The following CDH12 variants were observed in gnomAD, a reference collection of about 807,000 sequenced individuals.
CDH12 encodes cadherin-12.
Under a neutral mutation model 74.1 loss-of-function variants are expected in CDH12, and 41 were observed. That is an observed-to-expected ratio of 0.55 (90% CI 0.43 to 0.72). The LOEUF (loss-of-function observed/expected upper bound fraction) is 0.72. Ranked by LOEUF, CDH12 falls within the 30% of genes least tolerant of loss-of-function variation. The pLI is 0.00. For missense variants in CDH12, 945 were observed against 977.2 expected (o/e 0.97, Z 0.44); for synonymous variants, 399 against 355.0 (o/e 1.12, Z -1.39).
chr5:22,028,322 T>G (rs1343384841), intron 5 of CDH12, among the ~76,000 whole-genome samples: 2 of 152,132 alleles, frequency 1.3e-5, no homozygotes, highest in Admixed American at 6.6e-5. Flanking sequence ...AGTCAAATTG[T>G]CCCTGTTTGC....
At chr5:22,342,765 CCTTCCTCA>C (rs1446881398) in intron 3 of CDH12, among the ~76,000 whole-genome samples, 39 of 145,584 alleles carry the variant, frequency 2.7e-4, no homozygotes, top group East Asian at 1.4e-3. Flanking sequence ...TCCCTTCCTC[CCTTCCTCA>C]CTTCCTTCCT....
chr5:21,998,307 TA>T (rs1736411974), intron 5 of CDH12, among the ~76,000 whole-genome samples: 1 of 152,134 alleles, frequency 6.6e-6, no homozygotes, highest in African/African-American at 2.4e-5. Flanking sequence ...GAATCTTTTT[TA>T]AACTAAATCT....
At chr5:22,545,586 T>C (rs575928609) in intron 1 of CDH12, among the ~76,000 whole-genome samples, 28 of 152,318 alleles carry the variant, frequency 1.8e-4, no homozygotes, top group Non-Finnish European at 1.0e-4. Context: ...TCTCAAACCA[T>C]ATATTTTAGA....
At chr5:22,180,962 T>C (rs1057358671) in intron 4 of CDH12, among the ~76,000 whole-genome samples, 7 of 152,130 alleles carry the variant, frequency 4.6e-5, no homozygotes, top group Non-Finnish European at 8.8e-5. Flanking sequence ...ACATTATCTC[T>C]TTGATGTATT....
intron 1 of CDH12, among the ~76,000 whole-genome samples, chr5:22,737,546 T>C (rs1165545642): frequency 6.6e-6 from 1 of 151,846 alleles, no homozygotes; most frequent in African/African-American, 2.4e-5. Flanking sequence ...AAGACTTAGC[T>C]GAAAGAAATA....
intron 6 of CDH12, among the ~76,000 whole-genome samples, chr5:21,857,354 G>T (rs1750808686): frequency 6.6e-6 from 1 of 151,694 alleles, no homozygotes; most frequent in Admixed American, 6.6e-5. Context: ...CACTCTAAAT[G>T]GTTATATCTG....
At chr5:21,919,522 ATTC>A (rs1479226326) in intron 6 of CDH12, among the ~76,000 whole-genome samples, 1 of 151,880 alleles carries the variant, frequency 6.6e-6, no homozygotes, top group Non-Finnish European at 1.5e-5. Flanking sequence ...TTTCATGCAA[ATTC>A]TTCTTCCTTT....
At position 22,414,334 on chromosome 5, in the gene CDH12, G is replaced by A. The variant is rs575196891; in HGVS notation, c.-427-8983C>T. Among the ~76,000 whole-genome samples, 3 of 152,036 alleles carry A rather than the reference G, an allele frequency of 2.0e-5. No homozygotes were observed. In the South Asian group the frequency reaches 6.2e-4, roughly 32 times the overall value. On this transcript the variant is annotated intron_variant, in intron 2 of 14. Transcript: ENST00000382254. ...AACCTCTATCAATTACTGTTTTAAT[G>A]ATAGGAGGACTTCCCTTATTCAAAC...
chr5:22,283,818 T>C (rs1264399952), intron 3 of CDH12, among the ~76,000 whole-genome samples: 2 of 152,116 alleles, frequency 1.3e-5, no homozygotes, highest in Non-Finnish European at 2.9e-5. Context: ...ATATCTTAAT[T>C]AGCTTGATTT....
intron 1 of CDH12, among the ~76,000 whole-genome samples, chr5:22,818,537 T>C (rs1749505868): frequency 6.6e-6 from 1 of 152,142 alleles, no homozygotes; most frequent in South Asian, 2.1e-4. Context: ...TTCTTCAAGA[T>C]GGTGGCATGA....
intron 3 of CDH12, among the ~76,000 whole-genome samples, chr5:22,222,450 T>C (rs549078714): frequency 6.2e-4 from 94 of 152,114 alleles, no homozygotes; most frequent in Admixed American, 6.0e-3. Context: ...TATGTTGCCA[T>C]ATTTTATAAT....
intron 1 of CDH12, among the ~76,000 whole-genome samples, chr5:22,621,170 C>T (rs1412740039): frequency 6.6e-6 from 1 of 152,150 alleles, no homozygotes; most frequent in African/African-American, 2.4e-5. Context: ...TAGCATCTAC[C>T]AATCTCTCCG....
At chr5:21,800,605 C>T (rs991310723) in intron 10 of CDH12, among the ~76,000 whole-genome samples, 4 of 152,138 alleles carry the variant, frequency 2.6e-5, no homozygotes, top group African/African-American at 9.7e-5. Flanking sequence ...ATCTGCTGGT[C>T]GCTTGATCTT....
intron 3 of CDH12, among the ~76,000 whole-genome samples, chr5:22,314,931 C>CTTTTTT (rs1738549393): frequency 7.6e-6 from 1 of 132,132 alleles, no homozygotes; most frequent in Non-Finnish European, 1.6e-5. Context: ...GCAGAGGTCC[C>CTTTTTT]TGGGTTGGTC....
intron 11 of CDH12, among the ~76,000 whole-genome samples, chr5:21,772,513 A>T (rs1350221187): frequency 6.6e-6 from 1 of 152,012 alleles, no homozygotes; most frequent in Non-Finnish European, 1.5e-5. Context: ...CTTACTATTG[A>T]TCCACCGACC....
intron 3 of CDH12, among the ~76,000 whole-genome samples, chr5:22,214,574 G>T (rs1434864546): frequency 1.3e-5 from 2 of 152,144 alleles, no homozygotes; most frequent in Non-Finnish European, 2.9e-5. Context: ...ATGTGTAGTT[G>T]GTCATGCAAT....
intron 6 of CDH12, among the ~76,000 whole-genome samples, chr5:21,858,019 C>G (rs186386112): frequency 2.7e-3 from 378 of 138,050 alleles, no homozygotes; most frequent in Non-Finnish European, 4.0e-3. Context: ...TCTGTTGTAT[C>G]TCCCTTTTTT....
At chr5:22,821,893 T>C (rs62342497) in intron 1 of CDH12, among the ~76,000 whole-genome samples, 2 of 151,514 alleles carry the variant, frequency 1.3e-5, no homozygotes, top group Admixed American at 6.6e-5. Context: ...TTAAAGTTCA[T>C]ATGGAACCAA....
chr5:22,077,383 G>A (rs1483031059), intron 5 of CDH12, among the ~76,000 whole-genome samples: 1 of 151,854 alleles, frequency 6.6e-6, no homozygotes. Flanking sequence ...CCTAATATTG[G>A]AATCATACAA....
Sources: gnomAD v4.1 joint callset for allele counts (sites outside exome capture counted in the v4.1 genomes callset) on GRCh38, gnomAD v4.1.1 for gene constraint, MANE v1.5 for transcripts, NCBI Gene and HGNC (gene_info 2026-07-23, HGNC 2026-07-21) for gene names.